The following NRG3 variants were observed in gnomAD, a reference collection of about 807,000 sequenced individuals.
NRG3 encodes neuregulin 3, also known as pro-neuregulin-3, membrane-bound isoform.
NRG3 carries 31 observed loss-of-function variants against 66.9 expected under a neutral mutation model. That is an observed-to-expected ratio of 0.46 (90% CI 0.35 to 0.63). The LOEUF (loss-of-function observed/expected upper bound fraction) is 0.63. NRG3 is among the 20% of genes least tolerant of loss of function. The pLI is 0.00. For missense variants in NRG3, 910 were observed against 878.9 expected (o/e 1.04, Z -0.45); for synonymous variants, 393 against 359.4 (o/e 1.09, Z -1.06).
chr10:82,693,315 G>A (rs1242495997), intron 2 of NRG3, among the ~76,000 whole-genome samples: 2 of 152,054 alleles, frequency 1.3e-5, no homozygotes, highest in Non-Finnish European at 2.9e-5. Context: ...CTTGAATAAA[G>A]TATTTTATTT....
chr10:81,902,414 G>C (rs1564644068), intron 1 of NRG3, among the ~76,000 whole-genome samples: 1 of 152,130 alleles, frequency 6.6e-6, no homozygotes, highest in South Asian at 2.1e-4. Context: ...GGGCCTTTGG[G>C]ATGTAATTAG....
intron 3 of NRG3, among the ~76,000 whole-genome samples, chr10:82,787,956 A>AT (rs2060437366): frequency 6.6e-6 from 1 of 152,224 alleles, no homozygotes; most frequent in African/African-American, 2.4e-5. Context: ...TTCTTATGCC[A>AT]TACAAGCACA....
chr10:82,426,944 C>T (rs1339326470), intron 2 of NRG3, among the ~76,000 whole-genome samples: 2 of 152,086 alleles, frequency 1.3e-5, no homozygotes, highest in African/African-American at 4.8e-5. Context: ...AGCCACTGTG[C>T]CCAGCCTGGA....
intron 5 of NRG3, among the ~76,000 whole-genome samples, chr10:82,954,216 C>T (rs1349850356): frequency 6.6e-6 from 1 of 151,872 alleles, no homozygotes; most frequent in Non-Finnish European, 1.5e-5. Flanking sequence ...AACCAAATTA[C>T]AATAAAGAAG....
At chr10:82,682,946 ATTTTT>A (rs71009814) in intron 2 of NRG3, among the ~76,000 whole-genome samples, 18 of 65,334 alleles carry the variant, frequency 2.8e-4, no homozygotes, top group Non-Finnish European at 7.9e-5. Context: ...CCATGTCTTA[ATTTTT>A]TTTTTTTTTT....
rs547096671 is a variant in NRG3 at position 82,745,955 on chromosome 10, G to C, written c.1027+7305G>C. Among the ~76,000 whole-genome samples, 305 of 152,238 alleles carry C rather than the reference G, an allele frequency of 2.0e-3. 4 individuals carry two copies. Among genetic ancestry groups the C allele is most frequent in the Non-Finnish European group, 9.9e-4 (67 of 68,000 alleles). On this transcript the variant is annotated intron_variant, in intron 3 of 8. Transcript: ENST00000372141. Reference sequence around the variant, plus strand: ...CACCCAGGCTGGAGTGCAATGGCATGATCTTGGCTCACTGCAGCCTCAACT... The same window carrying C: ...CACCCAGGCTGGAGTGCAATGGCATCATCTTGGCTCACTGCAGCCTCAACT...
chr10:82,498,742 G>A (rs1843849755), intron 2 of NRG3, among the ~76,000 whole-genome samples: 1 of 152,132 alleles, frequency 6.6e-6, no homozygotes, highest in African/African-American at 2.4e-5. Flanking sequence ...GAGTGGTTTA[G>A]AGAATTGCCT....
chr10:82,680,579 C>T (rs906224004), intron 2 of NRG3, among the ~76,000 whole-genome samples: 1 of 152,128 alleles, frequency 6.6e-6, no homozygotes, highest in Non-Finnish European at 1.5e-5. Context: ...TGATTTTAAT[C>T]TTTATTCTCT....
chr10:82,014,731 C>G (rs2061713009), intron 1 of NRG3, among the ~76,000 whole-genome samples: 1 of 152,114 alleles, frequency 6.6e-6, no homozygotes, highest in Non-Finnish European at 1.5e-5. Flanking sequence ...GTGCTGGCTT[C>G]AGGCAGGAAG....
intron 3 of NRG3, among the ~76,000 whole-genome samples, chr10:82,830,805 T>C (rs905676254): frequency 2.0e-5 from 3 of 152,098 alleles, no homozygotes; most frequent in Non-Finnish European, 4.4e-5. Context: ...TATGCTAAGG[T>C]TGAGTTCCTA....
At chr10:82,891,950 C>T (rs952095147) in intron 4 of NRG3, among the ~76,000 whole-genome samples, 7 of 151,860 alleles carry the variant, frequency 4.6e-5, no homozygotes, top group Non-Finnish European at 8.8e-5. Context: ...CCTTCTATTT[C>T]TAGTTATCAA....
intron 3 of NRG3, among the ~76,000 whole-genome samples, chr10:82,840,412 A>G (rs914745973): frequency 1.4e-4 from 20 of 145,238 alleles, no homozygotes; most frequent in African/African-American, 5.4e-4. Context: ...TTCAACATAC[A>G]CATTTTTTTT....
chr10:82,149,803 T>C (rs2132757113), intron 1 of NRG3, among the ~76,000 whole-genome samples: 1 of 152,216 alleles, frequency 6.6e-6, no homozygotes, highest in Middle Eastern at 3.4e-3. Context: ...TCACACACTG[T>C]CTTGGTGCAG....
At chr10:81,929,762 C>T (rs1340898121) in intron 1 of NRG3, among the ~76,000 whole-genome samples, 1 of 152,154 alleles carries the variant, frequency 6.6e-6, no homozygotes, top group Non-Finnish European at 1.5e-5. Flanking sequence ...TCAGTTTATT[C>T]CTCAAAAATG....
intron 3 of NRG3, among the ~76,000 whole-genome samples, chr10:82,786,916 C>G (rs1437180997): frequency 6.6e-6 from 1 of 152,116 alleles, no homozygotes. Flanking sequence ...TGCCCTTCCA[C>G]CTTCCACTAC....
chr10:82,046,897 C>T (rs1480537219), intron 1 of NRG3, among the ~76,000 whole-genome samples: 7 of 140,660 alleles, frequency 5.0e-5, no homozygotes, highest in African/African-American at 1.3e-4. Flanking sequence ...ATTGAACCAG[C>T]CTTGCATCCC....
At chr10:81,887,841 A>C (rs978652605) in intron 1 of NRG3, among the ~76,000 whole-genome samples, 2 of 152,148 alleles carry the variant, frequency 1.3e-5, no homozygotes, top group Non-Finnish European at 2.9e-5. Context: ...CAGGTAGTGA[A>C]TGGAAGGGGA....
At chr10:82,654,465 GA>G (rs2051687360) in intron 2 of NRG3, among the ~76,000 whole-genome samples, 1 of 152,040 alleles carries the variant, frequency 6.6e-6, no homozygotes, top group South Asian at 2.1e-4. Flanking sequence ...TGTAATCTTT[GA>G]AAACAAAATT....
intron 6 of NRG3, among the ~76,000 whole-genome samples, chr10:82,971,948 T>C (rs117982332): frequency 3.8e-3 from 579 of 152,284 alleles, no homozygotes; most frequent in Non-Finnish European, 6.3e-3. Flanking sequence ...ACCAATTCTG[T>C]CGACTTTTTT....
Sources: allele counts gnomAD v4.1 joint callset (sites outside exome capture counted in the v4.1 genomes callset), GRCh38; gene constraint gnomAD v4.1.1; transcripts MANE v1.5; gene names NCBI Gene and HGNC (gene_info 2026-07-23, HGNC 2026-07-21).